ACOXL: variants seen among roughly 807,000 people sequenced by gnomAD.
ACOXL encodes acyl-CoA oxidase like.
In ACOXL, 70 loss-of-function variants were observed where a neutral mutation model predicts 71.9. The ratio of observed to expected loss-of-function variants is 0.97; its 90% CI spans 0.80 to 1.19. The LOEUF (loss-of-function observed/expected upper bound fraction) is 1.19. ACOXL is among the 50% of genes most tolerant of loss of function. The pLI is 0.00. For missense variants in ACOXL, 703 were observed against 736.3 expected (o/e 0.95, Z 0.52); for synonymous variants, 253 against 281.6 (o/e 0.90, Z 1.02).
intron 16 of ACOXL, among the ~76,000 whole-genome samples, chr2:111,053,280 C>T (rs2066387141): frequency 6.6e-6 from 1 of 152,222 alleles, no homozygotes; most frequent in Non-Finnish European, 1.5e-5. Flanking sequence ...TGGAGCCCCA[C>T]GTCCTACATG....
intron 8 of ACOXL, among the ~76,000 whole-genome samples, chr2:110,803,519 C>T (rs974182640): frequency 6.6e-6 from 1 of 151,884 alleles, no homozygotes; most frequent in Non-Finnish European, 1.5e-5. Context: ...CAAAAATCAA[C>T]TCAAAATGGA....
At chr2:111,041,872 G>A (rs1398500711) in intron 15 of ACOXL, among the ~76,000 whole-genome samples, 3 of 152,196 alleles carry the variant, frequency 2.0e-5, no homozygotes, top group Non-Finnish European at 4.4e-5. Flanking sequence ...TCTGTCTCCC[G>A]ACTTTGTGCC....
chr2:111,114,166 T>C (rs1299713617), intron 17 of ACOXL: 1 of 152,732 alleles, frequency 6.5e-6, no homozygotes, highest in African/African-American at 2.4e-5. Flanking sequence ...GCTGCAGTCA[T>C]CTGAGTTCAA....
intron 10 of ACOXL, chr2:110,886,667 C>T: frequency 7.3e-7 from 1 of 1,364,344 alleles, no homozygotes; most frequent in Non-Finnish European, 1.0e-6. Flanking sequence ...GCTTGAGCCA[C>T]TGCGTCTGTC....
chr2:110,999,340 C>A (rs1310068790), intron 14 of ACOXL, among the ~76,000 whole-genome samples: 1 of 152,176 alleles, frequency 6.6e-6, no homozygotes, highest in African/African-American at 2.4e-5. Context: ...ACTCCCATCT[C>A]TTAAATATGG....
At chr2:111,039,885 CAT>C (rs2065694136) in intron 15 of ACOXL, among the ~76,000 whole-genome samples, 4 of 152,182 alleles carry the variant, frequency 2.6e-5, no homozygotes, top group Non-Finnish European at 5.9e-5. Context: ...GTCTGGAAAA[CAT>C]AACACAGCAG....
rs2060494326 is a variant in ACOXL at position 110,932,021 on chromosome 2, C to G, written c.906-1468C>G. 2.6e-5 allele frequency among the ~76,000 whole-genome samples: 4 copies of G among 152,126 alleles called. No homozygotes were observed. The South Asian group carries it at 8.3e-4, about 32-fold the overall frequency. On this transcript the variant is annotated intron_variant, in intron 11 of 17. Coordinates refer to ENST00000439055, the MANE Select transcript of ACOXL (RefSeq NM_001142807.4). ...GCAATAGTCCCAAACTGGAAACAAC[C>G]AAAATGTTCATCAACAAGTGAATGC...
At position 110,808,007 on chromosome 2, in the gene ACOXL, C is replaced by T. The variant is rs529778465; in HGVS notation, c.753+2612C>T. Reference sequence around the variant, plus strand: ...TTCATTTCCATGGCATTCCTTGGAACTTTCAGGTTTTCTCTTAAAGCCTTG... The same window carrying T: ...TTCATTTCCATGGCATTCCTTGGAATTTTCAGGTTTTCTCTTAAAGCCTTG... On this transcript the variant is annotated intron_variant, in intron 9 of 17. Transcript: ENST00000439055. 5.3e-5 allele frequency among the ~76,000 whole-genome samples: 8 copies of T among 152,284 alleles called. No homozygotes were observed. The South Asian group carries it at 1.2e-3, about 24-fold the overall frequency.
chr2:110,984,675 A>G (rs1033825418), intron 12 of ACOXL, among the ~76,000 whole-genome samples: 1 of 152,180 alleles, frequency 6.6e-6, no homozygotes, highest in Non-Finnish European at 1.5e-5. Flanking sequence ...TTTTAATCCT[A>G]GTTAGAGTGA....
intron 11 of ACOXL, among the ~76,000 whole-genome samples, chr2:110,925,379 A>G (rs556468992): frequency 2.0e-5 from 3 of 152,380 alleles, no homozygotes; most frequent in African/African-American, 7.2e-5. Context: ...TGTTGAGTGT[A>G]GCCACTGTAA....
chr2:110,916,917 T>C (rs959752863), intron 11 of ACOXL, among the ~76,000 whole-genome samples: 1 of 152,152 alleles, frequency 6.6e-6, no homozygotes, highest in African/African-American at 2.4e-5. Flanking sequence ...CAGTAATTAA[T>C]AGCCTAGCAA....
intron 9 of ACOXL, among the ~76,000 whole-genome samples, chr2:110,817,151 A>G (rs554797816): frequency 1.7e-4 from 26 of 152,324 alleles, no homozygotes; most frequent in Non-Finnish European, 2.9e-4. Flanking sequence ...CTTTGTTCTA[A>G]GGCGGTCCAG....
At chr2:110,805,841 A>G (rs1026539183) in intron 9 of ACOXL, among the ~76,000 whole-genome samples, 9 of 152,202 alleles carry the variant, frequency 5.9e-5, no homozygotes, top group Non-Finnish European at 5.9e-5. Flanking sequence ...CCATGAGACC[A>G]GACCTCCAGG....
At chr2:110,749,478 C>T (rs962101211) in intron 1 of ACOXL, among the ~76,000 whole-genome samples, 2 of 152,166 alleles carry the variant, frequency 1.3e-5, no homozygotes, top group African/African-American at 4.8e-5. Context: ...GTAATCTCAG[C>T]ACTTTGGGAG....
chr2:111,065,627 G>A (rs2067031517), intron 16 of ACOXL, among the ~76,000 whole-genome samples: 1 of 152,150 alleles, frequency 6.6e-6, no homozygotes, highest in Admixed American at 6.5e-5. Context: ...ACACACTAAG[G>A]CATAGTACCT....
intron 15 of ACOXL, among the ~76,000 whole-genome samples, chr2:111,043,300 G>T (rs115399868): frequency 2.9e-4 from 44 of 152,328 alleles, no homozygotes; most frequent in African/African-American, 9.6e-4. Context: ...TGGTTGCGAA[G>T]AAGTTAAAGG....
intron 14 of ACOXL, among the ~76,000 whole-genome samples, chr2:111,013,597 G>A (rs1029565182): frequency 2.0e-5 from 3 of 150,328 alleles, no homozygotes; most frequent in East Asian, 1.9e-4. Context: ...AATTTAATTC[G>A]CTTTTTTTCT....
rs1182834910 is a variant in ACOXL, at chr2:111,031,674, G to A, written c.1329G>A (p.Leu443=). Reference sequence around the variant, plus strand: ...TTTTCCATGCCTGGAACTCGTGTCTGCACCACGTGGCTTCTCTGTCCCTGG... The same window carrying A: ...TTTTCCATGCCTGGAACTCGTGTCTACACCACGTGGCTTCTCTGTCCCTGG... ...EDFFHAWNSC[L]HHVASLSLAH... The change falls in exon 15 of 18, where the codon CTG becomes CTA. Residue 443 remains leucine, a synonymous_variant. Transcript: ENST00000439055. 6.2e-7 allele frequency: 1 copy of A among 1,614,164 alleles called. No homozygotes were observed. The highest frequency in any genetic ancestry group is 1.7e-5 in the Admixed American group (1 of 60,024).
At chr2:110,928,688 T>C (rs977442552) in intron 11 of ACOXL, among the ~76,000 whole-genome samples, 3 of 152,232 alleles carry the variant, frequency 2.0e-5, no homozygotes, top group Non-Finnish European at 2.9e-5. Context: ...TGATATTGTT[T>C]GGCTGTGTCC....
Sources: allele counts gnomAD v4.1 joint callset (sites outside exome capture counted in the v4.1 genomes callset), GRCh38; gene constraint gnomAD v4.1.1; transcripts MANE v1.5; gene names NCBI Gene and HGNC (gene_info 2026-07-23, HGNC 2026-07-21).